MED12L: variants seen among roughly 807,000 people sequenced by gnomAD.
MED12L encodes mediator of RNA polymerase II transcription subunit 12-like protein.
Under a neutral mutation model 281.3 loss-of-function variants are expected in MED12L, and 60 were observed. The ratio of observed to expected loss-of-function variants is 0.21; its 90% CI spans 0.17 to 0.26. The LOEUF (loss-of-function observed/expected upper bound fraction) is 0.26. Among genes scored for constraint, MED12L ranks in the 10% least tolerant of loss-of-function variants. The pLI is 1.00. For synonymous variants in MED12L, 974 were observed against 987.2 expected (o/e 0.99, Z 0.25); for missense variants, 2,146 against 2,680.9 (o/e 0.80, Z 4.41).
intron 3 of MED12L, among the ~76,000 whole-genome samples, chr3:151,117,342 C>A: frequency 6.6e-6 from 1 of 152,106 alleles, no homozygotes; most frequent in East Asian, 1.9e-4. Context: ...AAAACATATT[C>A]CAAGTTTATC....
intron 43 of MED12L, among the ~76,000 whole-genome samples, chr3:151,427,034 T>G (rs953990565): frequency 6.6e-6 from 1 of 152,102 alleles, no homozygotes; most frequent in Non-Finnish European, 1.5e-5. Context: ...CCCAGGCTGG[T>G]CTTGAACTCC....
rs111425404 is a variant in MED12L, at chr3:151,320,755, A to G, written c.2251-29304A>G. ...CTGATACTCCTTCCTATGCTGGGCA[A>G]CTTAATCTATCTCCTTGCTTTGTAA... On this transcript the variant is annotated intron_variant, in intron 16 of 44. Transcript: ENST00000687756. Among the ~76,000 whole-genome samples, 1,035 of 152,276 alleles carry G rather than the reference A, an allele frequency of 6.8e-3. 10 individuals are homozygous for G. The highest frequency in any genetic ancestry group is 0.024 in the South Asian group (114 of 4,824).
intron 16 of MED12L, chr3:151,294,858 C>T (rs756088308): frequency 1.9e-5 from 31 of 1,613,788 alleles, no homozygotes; most frequent in Non-Finnish European, 2.5e-5. Context: ...CCAAGGAACA[C>T]GATGGAAGTA....
intron 16 of MED12L, among the ~76,000 whole-genome samples, chr3:151,252,186 C>G (rs926303172): frequency 3.3e-5 from 5 of 152,114 alleles, no homozygotes; most frequent in Non-Finnish European, 7.4e-5. Context: ...TCCATTCATT[C>G]ATCTTTCTAT....
chr3:151,169,128 T>G (rs1289382121), intron 11 of MED12L, among the ~76,000 whole-genome samples: 137 of 145,910 alleles, frequency 9.4e-4, no homozygotes, highest in Non-Finnish European at 1.4e-3. Context: ...TTTTGTTTTT[T>G]TTTTTTTGAG....
At chr3:151,278,365 C>CA (rs11378091) in intron 16 of MED12L, 16,890 of 152,264 alleles carry the variant, frequency 0.11, 1,236 homozygotes, top group Middle Eastern at 0.18. Flanking sequence ...CAAGGTAACA[C>CA]TGTTACAGAG....
At chr3:151,341,513 G>A (rs1751816179) in intron 16 of MED12L, among the ~76,000 whole-genome samples, 1 of 151,126 alleles carries the variant, frequency 6.6e-6, no homozygotes, top group African/African-American at 2.4e-5. Context: ...AACCAGAAGG[G>A]CAAAAAATAT....
chr3:151,110,769 T>C (rs1305969881), intron 2 of MED12L, among the ~76,000 whole-genome samples: 1 of 152,148 alleles, frequency 6.6e-6, no homozygotes, highest in Non-Finnish European at 1.5e-5. Flanking sequence ...TTTGTGTGTG[T>C]GTGTGTGTAG....
intron 11 of MED12L, among the ~76,000 whole-genome samples, chr3:151,169,322 T>C (rs1488063712): frequency 3.9e-5 from 6 of 152,108 alleles, no homozygotes; most frequent in Non-Finnish European, 7.4e-5. Flanking sequence ...GGTTTCACCA[T>C]GTTGGCCAGG....
In MED12L at chr3:151,150,838, C is replaced by T. The variant is rs145597301; in HGVS notation, c.557-5323C>T. 1.6e-3 allele frequency among the ~76,000 whole-genome samples: 249 copies of T among 152,166 alleles called. 1 individual carries two copies. The highest frequency in any genetic ancestry group is 5.4e-3 in the African/African-American group (224 of 41,508). ...TCACGTACTAGCTCCTGCTAGATTC[C>T]GACTTTTCTTCTGTAGCTTCCTCTC... On this transcript the variant is annotated intron_variant, in intron 5 of 44. Coordinates refer to ENST00000687756, the MANE Select transcript of MED12L (RefSeq NM_001393769.1).
At chr3:151,350,941 CAA>C (rs1343777645) in intron 17 of MED12L, among the ~76,000 whole-genome samples, 2 of 152,194 alleles carry the variant, frequency 1.3e-5, no homozygotes, top group Admixed American at 1.3e-4. Context: ...ATTAGGCAAT[CAA>C]ATTATTTTAA....
intron 16 of MED12L, among the ~76,000 whole-genome samples, chr3:151,253,431 G>A (rs906180642): frequency 3.0e-4 from 46 of 152,268 alleles, no homozygotes; most frequent in African/African-American, 1.0e-3. Flanking sequence ...CACACCTTCT[G>A]TTCTCCCTCC....
At chr3:151,363,957 G>T (rs909146178) in intron 21 of MED12L, among the ~76,000 whole-genome samples, 4 of 151,966 alleles carry the variant, frequency 2.6e-5, no homozygotes, top group Admixed American at 2.0e-4. Context: ...ATCTTCGAGG[G>T]ACTCATTCCT....
At chr3:151,176,368 T>A (rs1722050183) in intron 11 of MED12L, among the ~76,000 whole-genome samples, 1 of 152,016 alleles carries the variant, frequency 6.6e-6, no homozygotes, top group Non-Finnish European at 1.5e-5. Context: ...TGGCAAGAGG[T>A]CCATTACTTG....
chr3:151,292,664 C>G (rs1193436149), intron 16 of MED12L, among the ~76,000 whole-genome samples: 1 of 151,310 alleles, frequency 6.6e-6, no homozygotes, highest in Non-Finnish European at 1.5e-5. Flanking sequence ...CCTCCACCTC[C>G]CGGGTTCAAG....
At chr3:151,245,264 T>C (rs1260469921) in intron 16 of MED12L, among the ~76,000 whole-genome samples, 1 of 152,144 alleles carries the variant, frequency 6.6e-6, no homozygotes, top group Non-Finnish European at 1.5e-5. Flanking sequence ...CCCTAACTCA[T>C]TTTATGAGGC....
intron 2 of MED12L, among the ~76,000 whole-genome samples, chr3:151,107,781 C>T (rs1722259045): frequency 6.6e-6 from 1 of 151,836 alleles, no homozygotes; most frequent in South Asian, 2.1e-4. Flanking sequence ...AACCTCAGTC[C>T]TGTGAGTTAT....
intron 2 of MED12L, among the ~76,000 whole-genome samples, chr3:151,106,223 T>G (rs920370301): frequency 1.3e-4 from 16 of 123,748 alleles, no homozygotes; most frequent in Non-Finnish European, 2.4e-4. Flanking sequence ...TTTCTTTCTT[T>G]CCTTCCTTCC....
At chr3:151,171,596 A>T (rs966822109) in intron 11 of MED12L, among the ~76,000 whole-genome samples, 2 of 152,154 alleles carry the variant, frequency 1.3e-5, no homozygotes, top group African/African-American at 4.8e-5. Flanking sequence ...GGAAACTTAC[A>T]TATTTATTGT....
Sources: allele counts gnomAD v4.1 joint callset (sites outside exome capture counted in the v4.1 genomes callset), GRCh38; gene constraint gnomAD v4.1.1; transcripts MANE v1.5; gene names NCBI Gene and HGNC (gene_info 2026-07-23, HGNC 2026-07-21).